SEC22C: variants seen among roughly 807,000 people sequenced by gnomAD.
SEC22C encodes the protein vesicle-trafficking protein SEC22c.
In SEC22C, 29 loss-of-function variants were observed where a neutral mutation model predicts 34.7. The observed-to-expected ratio is 0.84, with a 90% CI of 0.62 to 1.14. The LOEUF is 1.14. Ranked by LOEUF, SEC22C falls within the 50% of genes most tolerant of loss-of-function variation. The pLI is 0.00. For synonymous variants in SEC22C, 117 were observed against 132.8 expected (o/e 0.88, Z 0.82); for missense variants, 337 against 369.0 (o/e 0.91, Z 0.71).
rs1704796001 is a variant in SEC22C at position 42,590,787 on chromosome 3, C to T, written c.-28+10173G>A. ...TGCGCGTCCAGTCACAAATGACGTC[C>T]CTTCTGTACCCCGCCCTGTAGGCGG... On this transcript the variant is annotated intron_variant, in intron 1 of 6. Transcript: ENST00000417572. The T allele has an allele frequency of 1.7e-5, 19 of 1,105,994 alleles. 1 individual carries two copies. In the South Asian group the frequency reaches 2.2e-4, roughly 13 times the overall value. 68.5% of individuals were successfully genotyped at this position (1,105,994 alleles called of 1,614,324 possible).
chr3:42,594,377 C>T (rs373937317), intron 1 of SEC22C: 71 of 1,482,654 alleles, frequency 4.8e-5, no homozygotes, highest in Non-Finnish European at 6.4e-5. Context: ...TGTTCATGGT[C>T]GGTAAAAACA....
chr3:42,583,876 G>C (rs1244190425), upstream of SEC22C, among the ~76,000 whole-genome samples: 3 of 152,218 alleles, frequency 2.0e-5, no homozygotes, highest in African/African-American at 7.2e-5. Flanking sequence ...CATTTAGCAA[G>C]TATTGAGCCT....
chr3:42,557,629 A>C lies in SEC22C; in HGVS notation c.594T>G (p.Cys198Trp). 6.2e-7 allele frequency: 1 copy of C among 1,612,746 alleles called. No individual in the cohort carries two copies. The highest frequency in any genetic ancestry group is 2.2e-5 in the East Asian group (1 of 44,854). Reference protein sequence around the residue: ...GILSLILNIMCAALNLIRGVH... With the variant: ...GILSLILNIMWAALNLIRGVH... Reference sequence around the variant, plus strand: ...CTCCTCGAATGAGATTCAGGGCAGCACACATGATGTTGAGAATGAGGGAGA... The same window carrying C: ...CTCCTCGAATGAGATTCAGGGCAGCCCACATGATGTTGAGAATGAGGGAGA... The change falls in exon 5 of 7, where the codon TGT (cysteine) becomes TGG (tryptophan). Residue 198 changes from cysteine to tryptophan, a missense_variant. By Grantham distance (215) the Cys-to-Trp change is radical (BLOSUM62 -2). Coordinates refer to ENST00000264454, the MANE Select transcript of SEC22C (RefSeq NM_032970.4).
At chr3:42,596,951 C>G (rs763319436) in intron 1 of SEC22C, among the ~76,000 whole-genome samples, 4 of 152,202 alleles carry the variant, frequency 2.6e-5, no homozygotes, top group Non-Finnish European at 5.9e-5. Context: ...TACATTGAAG[C>G]CTGATGTCCT....
chr3:42,552,685 A>G lies in SEC22C; in HGVS notation c.*563T>C, dbSNP rs1018727335. On this transcript the variant is annotated 3_prime_UTR_variant, in exon 7 of 7. Transcript: ENST00000264454. ...ATGAAGTCCAATTTATATCCAAAATATAATTAAATATTCCAAAGGTATATC... is the reference window on the plus strand; with the variant it reads ...ATGAAGTCCAATTTATATCCAAAATGTAATTAAATATTCCAAAGGTATATC... The G allele has an allele frequency of 5.1e-6, 5 of 981,038 alleles. No homozygotes were observed. The highest frequency in any genetic ancestry group is 6.1e-6 in the Non-Finnish European group (5 of 825,920). The allele number at this position is 981,038 out of a possible 1,614,324, so 60.8% of individuals were successfully genotyped here.
intron 1 of SEC22C, among the ~76,000 whole-genome samples, chr3:42,590,225 A>C (rs1004311085): frequency 2.0e-5 from 3 of 152,206 alleles, no homozygotes; most frequent in African/African-American, 7.2e-5. Flanking sequence ...CTGGCAGGAG[A>C]CAATGCCATA....
chr3:42,554,636 G>T lies in SEC22C; in HGVS notation c.712-1188C>A, dbSNP rs535637033. Among the ~76,000 whole-genome samples the T allele has an allele frequency of 2.0e-5, 3 of 152,196 alleles. No individual in the cohort carries two copies. In the East Asian group the frequency reaches 5.8e-4, roughly 29 times the overall value. ...ATTACAGGCATGAGTCACCACACCTGGCCTGGGTAATTCTTAAGAATAAAC... is the reference window on the plus strand; with the variant it reads ...ATTACAGGCATGAGTCACCACACCTTGCCTGGGTAATTCTTAAGAATAAAC... On this transcript the variant is annotated intron_variant, in intron 6 of 6. Transcript: ENST00000264454.
At chr3:42,600,927 T>TCGCCCCC in intron 1 of SEC22C, 1 of 1,006,710 alleles carries the variant, frequency 9.9e-7, no homozygotes, top group Non-Finnish European at 1.4e-6. Flanking sequence ...CCCTCGCCCC[T>TCGCCCCC]GCCCTCGCCC....
intron 3 of SEC22C, among the ~76,000 whole-genome samples, chr3:42,563,114 GTC>G (rs1703021187): frequency 6.6e-6 from 1 of 152,204 alleles, no homozygotes; most frequent in East Asian, 1.9e-4. Context: ...TGGCTACATG[GTC>G]TCTGTCACAA....
chr3:42,557,397 G>C (rs1559512572), intron 5 of SEC22C, among the ~76,000 whole-genome samples, 181 bp downstream of exon 5: 1 of 152,024 alleles, frequency 6.6e-6, no homozygotes, highest in Non-Finnish European at 1.5e-5. Flanking sequence ...TAGGACAATA[G>C]ACATAAAAGA....
chr3:42,597,931 G>C (rs564043190), intron 1 of SEC22C, among the ~76,000 whole-genome samples: 1 of 152,186 alleles, frequency 6.6e-6, no homozygotes, highest in Non-Finnish European at 1.5e-5. Flanking sequence ...AAAATAACAA[G>C]TGTTGGTGAT....
At chr3:42,563,713 T>C (rs1211670461) in intron 2 of SEC22C, 27 bp from the exon 3 acceptor site, 6 of 1,612,934 alleles carry the variant, frequency 3.7e-6, no homozygotes, top group South Asian at 3.3e-5. Flanking sequence ...ATATCTGTAT[T>C]ACCAGGAAAC....
chr3:42,571,517 T>G (rs1306236704), intron 1 of SEC22C, among the ~76,000 whole-genome samples: 1 of 152,224 alleles, frequency 6.6e-6, no homozygotes, highest in South Asian at 2.1e-4. Context: ...AAAGATTTTA[T>G]AGGCTGCCAC....
rs1226322255 is a variant in SEC22C at position 42,594,401 on chromosome 3, T to C, written c.-28+6559A>G. The C allele has an allele frequency of 1.9e-6, 3 of 1,598,058 alleles. No individual in the cohort carries two copies. In the Admixed American group the frequency reaches 5.1e-5, roughly 27 times the overall value. ...TCGGTAAAAACAAGCCTCTGATTTT[T>C]GCCTGTTTTTTTGCCCATAGGTACC... is the stretch of plus-strand genomic sequence containing the variant. On this transcript the variant is annotated intron_variant, in intron 1 of 6. Coordinates refer to the SEC22C transcript ENST00000417572.
intron 3 of SEC22C, 39 bp from the exon 4 acceptor site, chr3:42,561,335 A>G (rs979765249): frequency 6.3e-7 from 1 of 1,588,324 alleles, no homozygotes; most frequent in South Asian, 1.1e-5. Flanking sequence ...CATTTTCATC[A>G]GAATGGATAT....
chr3:42,574,175 T>C (rs1440669608), intron 1 of SEC22C, among the ~76,000 whole-genome samples: 1 of 151,982 alleles, frequency 6.6e-6, no homozygotes, highest in Non-Finnish European at 1.5e-5. Flanking sequence ...ATAGAAAACA[T>C]GGAGGCCAAA....
chr3:42,589,157 T>A (rs1704721882), intron 1 of SEC22C, among the ~76,000 whole-genome samples: 1 of 151,666 alleles, frequency 6.6e-6, no homozygotes, highest in Middle Eastern at 3.2e-3. Flanking sequence ...TAATTCCAGC[T>A]ACTCAGCAGG....
intron 1 of SEC22C, among the ~76,000 whole-genome samples, chr3:42,579,950 G>A (rs191589661): frequency 2.0e-5 from 3 of 152,214 alleles, no homozygotes; most frequent in Non-Finnish European, 4.4e-5. Flanking sequence ...AAAGAGAAAG[G>A]TTTATACAGA....
rs1349041381 is a variant in SEC22C at position 42,563,824 on chromosome 3, G to C, written c.183-138C>G. The C allele has an allele frequency of 2.6e-6, 4 of 1,532,672 alleles. No individual in the cohort carries two copies. In the African/African-American group the frequency reaches 5.5e-5, roughly 21 times the overall value. The allele number at this position is 1,532,672 out of a possible 1,614,324, so 94.9% of individuals were successfully genotyped here. A position where few individuals can be genotyped will look rare whatever the true frequency, so the allele number is the denominator to read the frequency against. On this transcript the variant is annotated intron_variant, in intron 2 of 6. Coordinates refer to ENST00000264454, the MANE Select transcript of SEC22C (RefSeq NM_032970.4). ...TGTAGCTGTTTGCTGCAGGTATATT[G>C]TCTCTTCAGTTCGACCTATTCCTGA... is the stretch of plus-strand genomic sequence containing the variant.
Sources: gnomAD v4.1 joint callset for allele counts (sites outside exome capture counted in the v4.1 genomes callset) on GRCh38, gnomAD v4.1.1 for gene constraint, MANE v1.5 for transcripts, NCBI Gene and HGNC (gene_info 2026-07-23, HGNC 2026-07-21) for gene names.